Variants in CPLX1 observed in about 807,000 individuals in gnomAD.
CPLX1 encodes the protein complexin-1.
In CPLX1, 6 loss-of-function variants were observed where a neutral mutation model predicts 15.6. The ratio of observed to expected loss-of-function variants is 0.39; its 90% confidence interval spans 0.21 to 0.76. The LOEUF is 0.76. Ranked by LOEUF, CPLX1 falls within the 30% of genes least tolerant of loss-of-function variation. The pLI is 0.43. For synonymous variants in CPLX1, 91 were observed against 75.2 expected, an observed-to-expected ratio of 1.21 and a Z score of -1.08; for missense variants, 242 against 188.6, an observed-to-expected ratio of 1.28 and a Z score of -1.66.
At chr4:793,491 C>T (rs1025490626) in intron 2 of CPLX1, among the ~76,000 whole-genome samples, 2 of 152,210 alleles carry the variant, frequency 1.3e-5, no homozygotes, top group African/African-American at 2.4e-5. Context: ...TGCATAATTA[C>T]GGGCTCTGAA....
chr4:793,060 G>A (rs1024530766), intron 2 of CPLX1, among the ~76,000 whole-genome samples: 9 of 152,314 alleles, frequency 5.9e-5, no homozygotes, highest in Admixed American at 1.3e-4. Context: ...GACTGCATGC[G>A]GTTGTGTGAT....
At chr4:795,141 G>T (rs1010429981) in intron 2 of CPLX1, among the ~76,000 whole-genome samples, 2 of 152,236 alleles carry the variant, frequency 1.3e-5, no homozygotes, top group African/African-American at 4.8e-5. Flanking sequence ...CCCGCTTTTC[G>T]GCCCGGGTAC....
chr4:786,379 G>GAA lies in CPLX1; in HGVS notation c.*121_*122insTT. ...GGGAGGCGGCGGGCGCGGGCAGGGCGGGCCTGGGGCTATGGCTTATATCGG... is the reference window on the plus strand; with the variant it reads ...GGGAGGCGGCGGGCGCGGGCAGGGCGAAGGCCTGGGGCTATGGCTTATATCGG... On this transcript the variant is annotated 3_prime_UTR_variant, in exon 4 of 4. Transcript: ENST00000304062. The GAA allele has an allele frequency of 9.0e-7, 1 of 1,114,858 alleles. No individual in the cohort carries two copies. Among genetic ancestry groups the GAA allele is most frequent in the Non-Finnish European group, 1.2e-6 (1 of 837,414 alleles). 69.1% of individuals were successfully genotyped at this position (1,114,858 alleles called of 1,614,324 possible).
rs1029052741 is a variant in CPLX1, at chr4:793,240, T to C, written c.32-632A>G. 2.6e-5 allele frequency among the ~76,000 whole-genome samples: 4 copies of C among 152,004 alleles called. No individual in the cohort carries two copies. In the South Asian group the frequency reaches 6.2e-4, roughly 24 times the overall value. On this transcript the variant is annotated intron_variant, in intron 2 of 3. Coordinates refer to ENST00000304062, the MANE Select transcript of CPLX1 (RefSeq NM_006651.4). ...GCAGGGCTGGCTGTCAGAGGCAAGG[T>C]CACCAAGTCTGACCCCTGGGGCAGA... is the stretch of plus-strand genomic sequence containing the variant.
At chr4:809,676 G>A (rs141073886) in intron 2 of CPLX1, among the ~76,000 whole-genome samples, 29 of 152,320 alleles carry the variant, frequency 1.9e-4, no homozygotes, top group African/African-American at 5.3e-4. Flanking sequence ...TTTGACGCAT[G>A]TATATGTGTA....
intron 3 of CPLX1, chr4:787,637 G>A (rs1746041264): frequency 3.1e-6 from 3 of 965,132 alleles, no homozygotes; most frequent in Admixed American, 6.2e-5. Flanking sequence ...GCCAGACGCA[G>A]GAAGGGGCAG....
chr4:795,809 G>GC (rs1487655116), intron 2 of CPLX1, among the ~76,000 whole-genome samples: 2 of 151,974 alleles, frequency 1.3e-5, no homozygotes, highest in Admixed American at 1.3e-4. Flanking sequence ...AGGGGGTGGG[G>GC]GGGGGGTGCA....
chr4:789,165 G>A (rs1183325150), intron 3 of CPLX1, among the ~76,000 whole-genome samples: 1 of 152,214 alleles, frequency 6.6e-6, no homozygotes, highest in Non-Finnish European at 1.5e-5. Flanking sequence ...CTCCGGGGCT[G>A]GGCTGCACAC....
chr4:825,284 G>T (rs1308709911), intron 1 of CPLX1, among the ~76,000 whole-genome samples: 1 of 152,212 alleles, frequency 6.6e-6, no homozygotes, highest in African/African-American at 2.4e-5. Flanking sequence ...CAGCCGCAGT[G>T]AGCCCCCCGG....
At chr4:794,748 G>A (rs1746283451) in intron 2 of CPLX1, among the ~76,000 whole-genome samples, 1 of 152,222 alleles carries the variant, frequency 6.6e-6, no homozygotes, top group African/African-American at 2.4e-5. Context: ...GGAGGTGGGT[G>A]AGCCTGGTCT....
intron 2 of CPLX1, among the ~76,000 whole-genome samples, chr4:820,375 G>A (rs1175345772): frequency 6.6e-6 from 1 of 152,260 alleles, no homozygotes; most frequent in Non-Finnish European, 1.5e-5. Flanking sequence ...AATAAACAGA[G>A]AAGGCTGAGC....
intron 2 of CPLX1, among the ~76,000 whole-genome samples, chr4:795,855 G>A (rs1192483102): frequency 6.6e-6 from 1 of 151,982 alleles, no homozygotes; most frequent in Non-Finnish European, 1.5e-5. Context: ...GCCCTGCTGA[G>A]ACTCCACCGC....
intron 2 of CPLX1, 122 bp from the exon 3 acceptor site, chr4:792,730 G>A: frequency 9.4e-7 from 1 of 1,065,664 alleles, no homozygotes; most frequent in Non-Finnish European, 1.3e-6. Flanking sequence ...TCGACCCTCT[G>A]GCTGCCCCCA....
At chr4:806,922 C>T (rs115130241) in intron 2 of CPLX1, among the ~76,000 whole-genome samples, 2,484 of 152,308 alleles carry the variant, frequency 0.016, 37 homozygotes, top group Non-Finnish European at 0.023. Context: ...TGTGGCGATT[C>T]CTCAGAGACC....
chr4:799,329 CCT>C (rs1479496772), intron 2 of CPLX1, among the ~76,000 whole-genome samples: 1 of 152,242 alleles, frequency 6.6e-6, no homozygotes, highest in African/African-American at 2.4e-5. Context: ...TTCCACCATG[CCT>C]ATCCGATGGA....
intron 2 of CPLX1, among the ~76,000 whole-genome samples, chr4:809,868 G>C (rs370160153): frequency 1.3e-5 from 2 of 152,030 alleles, no homozygotes; most frequent in South Asian, 2.1e-4. Context: ...TGCAGCAGGC[G>C]GGGGGACTGG....
chr4:786,790 G>C (rs1370954524), intron 3 of CPLX1, 92 bp from the exon 4 acceptor site: 2 of 1,474,690 alleles, frequency 1.4e-6, no homozygotes, highest in Non-Finnish European at 1.8e-6. Context: ...AGGAACCCCC[G>C]AAGGCGTGGG....
At chr4:820,902 G>A (rs941382260) in intron 2 of CPLX1, among the ~76,000 whole-genome samples, 1 of 152,110 alleles carries the variant, frequency 6.6e-6, no homozygotes, top group African/African-American at 2.4e-5. Flanking sequence ...CCAGCCCCAC[G>A]GGGGCGCGGA....
At chr4:787,010 GCATCCTGC>G in intron 3 of CPLX1, 1 of 985,380 alleles carries the variant, frequency 1.0e-6, no homozygotes, top group Non-Finnish European at 1.2e-6. Context: ...CCAGCCCCTG[GCATCCTGC>G]CTTCCAGGAA....
Sources: gnomAD v4.1 joint callset for allele counts (sites outside exome capture counted in the v4.1 genomes callset) on GRCh38, gnomAD v4.1.1 for gene constraint, MANE v1.5 for transcripts, NCBI Gene and HGNC (gene_info 2026-07-23, HGNC 2026-07-21) for gene names.